Variants in LRRC37A2 observed in about 807,000 individuals in gnomAD.
LRRC37A2 encodes the protein leucine rich repeat containing 37 member A2, also known as leucine-rich repeat-containing protein 37A2.
Under a neutral mutation model 68.8 loss-of-function variants are expected in LRRC37A2, and 9 were observed. The observed-to-expected ratio is 0.13, with a 90% confidence interval of 0.08 to 0.23. The LOEUF (loss-of-function observed/expected upper bound fraction) is 0.23, where lower values mean the gene tolerates loss of function less well. Among genes scored for constraint, LRRC37A2 ranks in the 10% least tolerant of loss-of-function variants. LRRC37A2 has a pLI of 1.00. For synonymous variants in LRRC37A2, 63 were observed against 367.6 expected, an observed-to-expected ratio of 0.17 and a Z score of 9.48; for missense variants, 168 against 950.4, an observed-to-expected ratio of 0.18 and a Z score of 10.82.
chr17:46,948,127 G>T, the LRRC37A2 span, among the ~76,000 whole-genome samples: 1 of 152,194 alleles, frequency 6.6e-6, no homozygotes, highest in Admixed American at 6.5e-5. Context: ...TCAAGCAGGT[G>T]GAGTGTGAAG....
chr17:46,923,565 A>AGAGGAGACACGGAG, the LRRC37A2 span: 1 of 1,314,038 alleles, frequency 7.6e-7, no homozygotes, highest in Non-Finnish European at 9.7e-7. Context: ...GTAGACCTCG[A>AGAGGAGACACGGAG]GAGGAGACAC....
At chr17:46,449,914 T>TA in the LRRC37A2 span, among the ~76,000 whole-genome samples, 1 of 104,462 alleles carries the variant, frequency 9.6e-6, no homozygotes, top group Non-Finnish European at 2.1e-5. Flanking sequence ...GGACTCTTAG[T>TA]AATTTTTAAA....
chr17:46,978,669 G>A, the LRRC37A2 span: 2 of 1,608,690 alleles, frequency 1.2e-6, no homozygotes, highest in African/African-American at 1.3e-5. Context: ...GGATGGCTGC[G>A]CCCACGTCCT....
the LRRC37A2 span, among the ~76,000 whole-genome samples, chr17:46,974,500 C>T: frequency 1.3e-3 from 196 of 152,206 alleles, 2 homozygotes; most frequent in Middle Eastern, 6.8e-3. Flanking sequence ...TTTGGGAGGC[C>T]GAGGCGGGTG....
chr17:46,916,415 C>G, the LRRC37A2 span, among the ~76,000 whole-genome samples: 1 of 152,152 alleles, frequency 6.6e-6, no homozygotes, highest in African/African-American at 2.4e-5. Flanking sequence ...GCAGTCAACA[C>G]TGAAAGAAAT....
the LRRC37A2 span, among the ~76,000 whole-genome samples, chr17:46,712,376 G>A: frequency 3.3e-5 from 5 of 152,152 alleles, no homozygotes; most frequent in Non-Finnish European, 5.9e-5. Flanking sequence ...TCTCTATTTT[G>A]TAGGTGGGGA....
At chr17:46,851,784 G>T in the LRRC37A2 span, 1 of 860,412 alleles carries the variant, frequency 1.2e-6, no homozygotes, top group Non-Finnish European at 1.6e-6. This position sits in a 1 kb window ranked among gnomAD's most constrained non-coding sequence, Gnocchi z 4.3. Context: ...CTACAGCTGG[G>T]CCAATTTTTC....
chr17:46,938,562 TGA>T, the LRRC37A2 span: 1 of 1,613,194 alleles, frequency 6.2e-7, no homozygotes, highest in South Asian at 1.1e-5. Flanking sequence ...TAAAGCGACT[TGA>T]TGTTTGTTTT....
the LRRC37A2 span, among the ~76,000 whole-genome samples, chr17:46,856,571 G>T: frequency 9.3e-3 from 1,394 of 150,314 alleles, 25 homozygotes; most frequent in African/African-American, 0.033. Flanking sequence ...TGCAGCCTCC[G>T]CCTCCCGGTT....
the LRRC37A2 span, among the ~76,000 whole-genome samples, chr17:46,955,263 A>G: frequency 3.3e-5 from 5 of 151,818 alleles, no homozygotes; most frequent in Non-Finnish European, 7.4e-5. Context: ...TTCTGCATCT[A>G]TTGAGATAAT....
chr17:46,968,450 C>T, the LRRC37A2 span, among the ~76,000 whole-genome samples: 4 of 152,238 alleles, frequency 2.6e-5, no homozygotes, highest in African/African-American at 4.8e-5. Flanking sequence ...TCCCTCCATG[C>T]GGGGACCGCT....
the LRRC37A2 span, chr17:46,939,837 G>A: frequency 4.1e-5 from 41 of 989,674 alleles, no homozygotes; most frequent in Non-Finnish European, 4.8e-5. Flanking sequence ...GTGGAATTTA[G>A]TATAAAGGCC....
the LRRC37A2 span, chr17:47,027,772 A>C: frequency 1.9e-6 from 1 of 535,924 alleles, no homozygotes; most frequent in African/African-American, 1.9e-5. Flanking sequence ...GTCTCTAGCA[A>C]GGATTATTGT....
chr17:46,772,113 G>T, the LRRC37A2 span, among the ~76,000 whole-genome samples: 1 of 152,138 alleles, frequency 6.6e-6, no homozygotes, highest in Non-Finnish European at 1.5e-5. Flanking sequence ...GGGTGCAAAC[G>T]TGGGGCCGGA....
chr17:46,836,333 T>G, the LRRC37A2 span, among the ~76,000 whole-genome samples: 2 of 152,190 alleles, frequency 1.3e-5, no homozygotes, highest in Non-Finnish European at 2.9e-5. Context: ...TGCTGTTTTT[T>G]GAACTTCATT....
chr17:46,943,629 A>T, the LRRC37A2 span, among the ~76,000 whole-genome samples: 1 of 152,094 alleles, frequency 6.6e-6, no homozygotes, highest in Non-Finnish European at 1.5e-5. Context: ...CGCAGGCGCC[A>T]TCGGGTAAGC....
chr17:46,985,686 T>A, the LRRC37A2 span, among the ~76,000 whole-genome samples: 1 of 152,150 alleles, frequency 6.6e-6, no homozygotes, highest in Admixed American at 6.5e-5. Flanking sequence ...ATTTTGGACA[T>A]CTGTGATCTA....
the LRRC37A2 span, among the ~76,000 whole-genome samples, chr17:46,793,367 G>A: frequency 1.2e-4 from 18 of 151,688 alleles, no homozygotes; most frequent in East Asian, 3.5e-3. Context: ...AAGGAGAAAG[G>A]GAAGGAAGTG....
the LRRC37A2 span, chr17:46,851,581 G>C: frequency 1.0e-6 from 1 of 992,796 alleles, no homozygotes. The surrounding 1 kb of genome is among the most constrained non-coding windows in gnomAD (Gnocchi z 4.3). Context: ...GGGTGGTGGC[G>C]GAGCTGCGAG....
Sources: allele counts gnomAD v4.1 joint callset (sites outside exome capture counted in the v4.1 genomes callset), GRCh38; gene constraint gnomAD v4.1.1; non-coding constraint Gnocchi (gnomAD v3.1); transcripts MANE v1.5; gene names NCBI Gene and HGNC (gene_info 2026-07-23, HGNC 2026-07-21).